The following AQP8 variants were observed in gnomAD, a reference collection of about 807,000 sequenced individuals.
AQP8 encodes the protein aquaporin 8, also known as aquaporin-8.
AQP8 carries 14 observed loss-of-function variants against 26.1 expected under a neutral mutation model. The observed-to-expected ratio is 0.54, with a 90% CI of 0.35 to 0.84. The LOEUF (loss-of-function observed/expected upper bound fraction) is 0.84, where lower values mean the gene tolerates loss of function less well. Among genes scored for constraint, AQP8 ranks in the 40% least tolerant of loss-of-function variants. The pLI, the probability that AQP8 is intolerant of heterozygous loss-of-function variation, is 0.01. For synonymous variants in AQP8, 131 were observed against 150.7 expected (o/e 0.87, Z 0.96); for missense variants, 301 against 340.5 (o/e 0.88, Z 0.91).
At position 25,228,745 on chromosome 16, in the gene AQP8, ACAC is replaced by A. The variant is rs1681918111; in HGVS notation, c.*257_*259del. The A allele has an allele frequency of 2.4e-6, 1 of 414,070 alleles. No individual in the cohort carries two copies. The highest frequency in any genetic ancestry group is 6.5e-4 in the Middle Eastern group (1 of 1,530). The allele number at this position is 414,070 out of a possible 1,614,324, so 25.6% of individuals were successfully genotyped here. On this transcript the variant is annotated 3_prime_UTR_variant, in exon 6 of 6. Coordinates refer to ENST00000219660, the MANE Select transcript of AQP8 (RefSeq NM_001169.3). ...CCGCACTGCCCAGAGAGCAGTGCAAACACCACAACACGAGCGTGTTTCTTGAGA... is the reference window on the plus strand; with the variant it reads ...CCGCACTGCCCAGAGAGCAGTGCAAACACAACACGAGCGTGTTTCTTGAGA...
chr16:25,222,010 T>C (rs1351105428), intron 3 of AQP8, among the ~76,000 whole-genome samples: 1 of 152,134 alleles, frequency 6.6e-6, no homozygotes, highest in Non-Finnish European at 1.5e-5. Flanking sequence ...TCAAGTGATC[T>C]ACCTGCCTTG....
intron 4 of AQP8, among the ~76,000 whole-genome samples, chr16:25,224,808 G>T (rs2141345370): frequency 6.6e-6 from 1 of 152,356 alleles, no homozygotes; most frequent in East Asian, 1.9e-4. Flanking sequence ...ATGGGTCTGG[G>T]CTGATGCTTT....
chr16:25,220,291 G>A (rs955468485), intron 2 of AQP8, among the ~76,000 whole-genome samples: 26 of 152,276 alleles, frequency 1.7e-4, no homozygotes, highest in African/African-American at 6.3e-4. Context: ...CAAGTGACAT[G>A]GGGAGTCTTG....
At position 25,217,416 on chromosome 16, in the gene AQP8, G is replaced by C; in HGVS notation, c.231G>C (p.Gly77=). The C allele has an allele frequency of 6.2e-7, 1 of 1,614,150 alleles. No homozygotes were observed. The highest frequency in any genetic ancestry group is 1.7e-5 in the Admixed American group (1 of 60,024). ...QPALAHGLAL[G]LVIATLGNIS... is the part of the protein sequence containing the mutation. ...CCCTGGCCCACGGGCTGGCTTTGGGGCTCGTGATTGCCACGCTGGGGAATA... is the reference window on the plus strand; with the variant it reads ...CCCTGGCCCACGGGCTGGCTTTGGGCCTCGTGATTGCCACGCTGGGGAATA... The change falls in exon 2 of 6, where the codon GGG becomes GGC. Residue 77 remains glycine (G), a synonymous_variant. Transcript: ENST00000219660.
chr16:25,221,652 G>A (rs1462367065), intron 3 of AQP8, 69 bp downstream of exon 3: 12 of 1,589,848 alleles, frequency 7.5e-6, no homozygotes, highest in African/African-American at 1.3e-5. Context: ...ATATGTGGGT[G>A]TGTGTGTGGG....
At chr16:25,220,216 A>G (rs1962542704) in intron 2 of AQP8, among the ~76,000 whole-genome samples, 1 of 152,086 alleles carries the variant, frequency 6.6e-6, no homozygotes, top group Admixed American at 6.6e-5. Context: ...TGAATGTCCT[A>G]TGTCCTTTGG....
intron 4 of AQP8, among the ~76,000 whole-genome samples, chr16:25,226,381 C>T (rs1597631085): frequency 6.6e-6 from 1 of 152,282 alleles, no homozygotes; most frequent in East Asian, 1.9e-4. Context: ...GCTTAGCCTC[C>T]CCAGTAGCTG....
chr16:25,220,977 A>G (rs1962554572), intron 2 of AQP8, among the ~76,000 whole-genome samples: 1 of 151,174 alleles, frequency 6.6e-6, no homozygotes, highest in Admixed American at 6.6e-5. Context: ...CTTGAACTCA[A>G]AAGGTGGAAG....
At chr16:25,225,577 T>C (rs1362935327) in intron 4 of AQP8, among the ~76,000 whole-genome samples, 1 of 152,076 alleles carries the variant, frequency 6.6e-6, no homozygotes. Context: ...CGGCTAATTT[T>C]TTTTTGTATT....
rs1445736368 is a variant in AQP8, at chr16:25,224,018, G to T, written c.388-344G>T. Among the ~76,000 whole-genome samples the T allele has an allele frequency of 1.1e-3, 164 of 152,032 alleles. 1 individual carries two copies. The highest frequency in any genetic ancestry group is 2.5e-4 in the Non-Finnish European group (17 of 67,992). ...ATTTTTGTATTTGTAGTGGAGATGG[G>T]GTTTCACCATGTTGGCAAGGCTGGT... On this transcript the variant is annotated intron_variant, in intron 3 of 5. Coordinates refer to ENST00000219660, the MANE Select transcript of AQP8 (RefSeq NM_001169.3).
At chr16:25,218,066 G>C (rs1225415389) in intron 2 of AQP8, among the ~76,000 whole-genome samples, 1 of 152,160 alleles carries the variant, frequency 6.6e-6, no homozygotes, top group African/African-American at 2.4e-5. Flanking sequence ...CAAGCTTAGA[G>C]GGCCAGAAAG....
At chr16:25,226,945 T>G in intron 4 of AQP8, 123 bp from the exon 5 acceptor site, 2 of 1,405,236 alleles carry the variant, frequency 1.4e-6, no homozygotes, top group Non-Finnish European at 2.0e-6. Context: ...CAGGAGCTCA[T>G]GATGTAGGAG....
Position 25,224,593 on chromosome 16 carries a change from A to G in AQP8, c.602+17A>G, listed in dbSNP as rs867166344. 1 of 1,604,350 alleles carries G rather than the reference A, an allele frequency of 6.2e-7. No individual in the cohort carries two copies. The highest frequency in any genetic ancestry group is 1.7e-5 in the Admixed American group (1 of 59,798). ...CCTGGCTGGGTGAGTGTCCCTTGGC[A>G]GTGGGGTGACCATGCCCAGATCTGT... On this transcript the variant is annotated intron_variant, in intron 4 of 5. Coordinates refer to ENST00000219660, the MANE Select transcript of AQP8 (RefSeq NM_001169.3).
At chr16:25,222,018 T>G (rs556658437) in intron 3 of AQP8, among the ~76,000 whole-genome samples, 1 of 152,190 alleles carries the variant, frequency 6.6e-6, no homozygotes, top group Non-Finnish European at 1.5e-5. Flanking sequence ...TCTACCTGCC[T>G]TGGTCTCCCA....
chr16:25,228,136 G>A (rs1962659835), intron 5 of AQP8, among the ~76,000 whole-genome samples: 1 of 151,840 alleles, frequency 6.6e-6, no homozygotes, highest in Admixed American at 6.6e-5. Context: ...GTGTGGTGGT[G>A]CTTGTCTGTA....
At chr16:25,226,688 TATA>T (rs1310787164) in intron 4 of AQP8, among the ~76,000 whole-genome samples, 1 of 152,250 alleles carries the variant, frequency 6.6e-6, no homozygotes, top group Non-Finnish European at 1.5e-5. Flanking sequence ...TTTGTTATTT[TATA>T]ATGTGTGGGC....
chr16:25,227,504 C>CT (rs1962651729), intron 5 of AQP8, among the ~76,000 whole-genome samples: 2 of 152,036 alleles, frequency 1.3e-5, no homozygotes, highest in Non-Finnish European at 2.9e-5. Flanking sequence ...TTCTCCTTTT[C>CT]TTTTTTTGAC....
chr16:25,220,137 G>A (rs1962541204), intron 2 of AQP8, among the ~76,000 whole-genome samples: 1 of 152,114 alleles, frequency 6.6e-6, no homozygotes, highest in South Asian at 2.1e-4. Flanking sequence ...GGGGTAGCTG[G>A]TCTCGAGCTA....
At chr16:25,217,617 G>C (rs1962506330) in intron 2 of AQP8, among the ~76,000 whole-genome samples, 172 bp downstream of exon 2, 1 of 152,256 alleles carries the variant, frequency 6.6e-6, no homozygotes, top group African/African-American at 2.4e-5. Context: ...CCCGCAGCCT[G>C]TGAGCTTGTG....
Sources: gnomAD v4.1 joint callset for allele counts (sites outside exome capture counted in the v4.1 genomes callset) on GRCh38, gnomAD v4.1.1 for gene constraint, MANE v1.5 for transcripts, NCBI Gene and HGNC (gene_info 2026-07-23, HGNC 2026-07-21) for gene names.